FOXP1: variants seen among roughly 807,000 people sequenced by gnomAD.
FOXP1 encodes the protein forkhead box protein P1.
In FOXP1, 15 loss-of-function variants were observed where a neutral mutation model predicts 98.2. The observed-to-expected ratio is 0.15, with a 90% CI of 0.10 to 0.24. The LOEUF is 0.24. Among genes scored for constraint, FOXP1 ranks in the 10% least tolerant of loss-of-function variants. The pLI is 1.00. For synonymous variants in FOXP1, 371 were observed against 314.5 expected (o/e 1.18, Z -1.90); for missense variants, 633 against 848.5 (o/e 0.75, Z 3.15).
Position 71,320,456 on chromosome 3 carries a change from G to C in FOXP1, c.-72-20576C>G, listed in dbSNP as rs1310030993. On this transcript the variant is annotated intron_variant, in intron 4 of 20. Coordinates refer to ENST00000649528, the MANE Select transcript of FOXP1 (RefSeq NM_001349338.3). ...CACAGATCTAGCCTACCACCGTATT[G>C]CTCTGCCCTCTTTCACCTAAGAAAT... 2.6e-5 allele frequency among the ~76,000 whole-genome samples: 4 copies of C among 151,878 alleles called. No individual in the cohort carries two copies. In the East Asian group the frequency reaches 7.8e-4, roughly 30 times the overall value.
intron 3 of FOXP1, among the ~76,000 whole-genome samples, chr3:71,426,123 G>A (rs1170346607): frequency 6.6e-6 from 1 of 152,196 alleles, no homozygotes; most frequent in Non-Finnish European, 1.5e-5. Flanking sequence ...GATACCTCTT[G>A]ACCTAAGAGC....
intron 3 of FOXP1, among the ~76,000 whole-genome samples, chr3:71,376,938 A>T (rs1268845479): frequency 6.6e-6 from 1 of 152,072 alleles, no homozygotes; most frequent in Non-Finnish European, 1.5e-5. Flanking sequence ...CTTTTTTTTT[A>T]ACCTACAGAA....
intron 2 of FOXP1, among the ~76,000 whole-genome samples, chr3:71,574,817 C>T (rs1578243202): frequency 6.6e-6 from 1 of 152,174 alleles, no homozygotes; most frequent in Admixed American, 6.5e-5. Context: ...GTGAAAACCA[C>T]CGATGTTCCA....
At chr3:71,221,567 C>A (rs182453293) in intron 5 of FOXP1, among the ~76,000 whole-genome samples, 11 of 152,310 alleles carry the variant, frequency 7.2e-5, no homozygotes, top group African/African-American at 2.4e-4. Flanking sequence ...CACTCTGAAA[C>A]CTGTGTCTTC....
intron 11 of FOXP1, among the ~76,000 whole-genome samples, chr3:71,027,800 CAT>C (rs766026028): frequency 9.2e-5 from 14 of 152,106 alleles, no homozygotes; most frequent in Non-Finnish European, 1.5e-4. Context: ...ATATTAGAAA[CAT>C]GTATATAATT....
chr3:71,297,862 C>A (rs1019793095), intron 5 of FOXP1, among the ~76,000 whole-genome samples: 1 of 152,020 alleles, frequency 6.6e-6, no homozygotes, highest in South Asian at 2.1e-4. Flanking sequence ...TCGCCTCAGC[C>A]TCCCAAAGTG....
At chr3:71,298,583 C>T (rs373876240) in intron 5 of FOXP1, among the ~76,000 whole-genome samples, 17 of 152,266 alleles carry the variant, frequency 1.1e-4, no homozygotes, top group African/African-American at 4.1e-4. Context: ...CCTTCCATGC[C>T]GAAACATCTG....
rs774636107 is a variant in FOXP1, at chr3:71,345,914, T to C, written c.-73+13236A>G. On this transcript the variant is annotated intron_variant, in intron 4 of 20. Transcript: ENST00000649528. ...AAAAAAAAAAGAGGAGTGAGGTGGT[T>C]AAGTAGGCCCAATATGCAATGAGAC... 6.0e-5 allele frequency among the ~76,000 whole-genome samples: 7 copies of C among 116,254 alleles called. No homozygotes were observed. In the South Asian group the frequency reaches 1.2e-3, roughly 19 times the overall value. 76.3% of individuals were successfully genotyped at this position (116,254 alleles called of 152,430 possible).
At chr3:71,429,000 C>G (rs1453960361) in intron 3 of FOXP1, among the ~76,000 whole-genome samples, 1 of 152,198 alleles carries the variant, frequency 6.6e-6, no homozygotes, top group African/African-American at 2.4e-5. Flanking sequence ...TGGACTAGTG[C>G]CGACATGCAG....
chr3:71,238,247 C>G (rs111430796), intron 5 of FOXP1, among the ~76,000 whole-genome samples: 1 of 152,218 alleles, frequency 6.6e-6, no homozygotes, highest in Non-Finnish European at 1.5e-5. Flanking sequence ...CACTTTCTAC[C>G]TGCATAAGCA....
At position 71,385,356 on chromosome 3, in the gene FOXP1, G is replaced by A. The variant is rs531323270; in HGVS notation, c.-167-26112C>T. 2.0e-5 allele frequency among the ~76,000 whole-genome samples: 3 copies of A among 152,296 alleles called. No homozygotes were observed. In the East Asian group the frequency reaches 5.8e-4, roughly 29 times the overall value. On this transcript the variant is annotated intron_variant, in intron 3 of 20. Transcript: ENST00000649528. The stretch of plus-strand genomic sequence containing the variant: ...TTTAAAGTTGCCAGGCTTCTGTGGA[G>A]GAATGCATTTTGAGGGGTATAAAAT...
chr3:71,193,115 T>G (rs926286465), intron 6 of FOXP1, among the ~76,000 whole-genome samples: 1 of 152,010 alleles, frequency 6.6e-6, no homozygotes, highest in African/African-American at 2.4e-5. Context: ...ATTTTCTACA[T>G]CCCCTTTGTT....
intron 11 of FOXP1, among the ~76,000 whole-genome samples, chr3:71,023,522 T>A (rs1576241439): frequency 6.6e-6 from 1 of 152,326 alleles, no homozygotes; most frequent in South Asian, 2.1e-4. Context: ...GCCACTACTA[T>A]TTTAAAGCTT....
At chr3:71,205,066 G>T (rs1236912833) in intron 5 of FOXP1, among the ~76,000 whole-genome samples, 2 of 152,178 alleles carry the variant, frequency 1.3e-5, no homozygotes, top group African/African-American at 4.8e-5. Flanking sequence ...GTAATCAAGG[G>T]AATGAGCCGG....
intron 3 of FOXP1, among the ~76,000 whole-genome samples, chr3:71,363,595 G>T (rs868344810): frequency 2.6e-5 from 4 of 152,124 alleles, no homozygotes; most frequent in Non-Finnish European, 5.9e-5. Context: ...CCTTCCCAGG[G>T]GACTTGTTGG....
At chr3:71,048,825 TG>T (rs2049413088) in intron 9 of FOXP1, among the ~76,000 whole-genome samples, 1 of 125,536 alleles carries the variant, frequency 8.0e-6, no homozygotes, top group African/African-American at 3.0e-5. Flanking sequence ...CAGCTGGAGG[TG>T]GGGGAGGGTG....
intron 7 of FOXP1, among the ~76,000 whole-genome samples, chr3:71,072,913 C>A (rs1206139186): frequency 6.6e-6 from 1 of 152,208 alleles, no homozygotes; most frequent in East Asian, 1.9e-4. Context: ...AGTAATCTCA[C>A]AGAGACATCA....
At chr3:71,255,149 G>C (rs2068523282) in intron 5 of FOXP1, among the ~76,000 whole-genome samples, 1 of 152,170 alleles carries the variant, frequency 6.6e-6, no homozygotes, top group Non-Finnish European at 1.5e-5. Flanking sequence ...CGGACCTATA[G>C]ATCATAAGGC....
At chr3:71,531,431 A>G (rs983910681) in intron 2 of FOXP1, among the ~76,000 whole-genome samples, 1 of 152,188 alleles carries the variant, frequency 6.6e-6, no homozygotes, top group Non-Finnish European at 1.5e-5. Flanking sequence ...CTCAACAGGA[A>G]AAGACCTCAG....
Sources: gnomAD v4.1 joint callset for allele counts (sites outside exome capture counted in the v4.1 genomes callset) on GRCh38, gnomAD v4.1.1 for gene constraint, MANE v1.5 for transcripts, NCBI Gene and HGNC (gene_info 2026-07-23, HGNC 2026-07-21) for gene names.